The following MALT1 variants were observed in gnomAD, a reference collection of about 807,000 sequenced individuals.
The protein encoded by MALT1 is MALT1 paracaspase.
In MALT1, 36 loss-of-function variants were observed where a neutral mutation model predicts 85.5. That is an observed-to-expected ratio of 0.42 (90% CI 0.32 to 0.56). The LOEUF (loss-of-function observed/expected upper bound fraction) is 0.56. Ranked by LOEUF, MALT1 falls within the 20% of genes least tolerant of loss-of-function variation. The pLI is 0.10. For synonymous variants in MALT1, 359 were observed against 361.3 expected (o/e 0.99, Z 0.07); for missense variants, 716 against 981.6 (o/e 0.73, Z 3.62).
chr18:58,734,495 G>A (rs762975456), intron 12 of MALT1, 114 bp downstream of exon 12: 38 of 759,262 alleles, frequency 5.0e-5, no homozygotes, highest in Admixed American at 4.2e-4. Flanking sequence ...GTGCAGAGGC[G>A]CCATCATAGC....
At chr18:58,736,006 G>C (rs1232680571) in intron 13 of MALT1, among the ~76,000 whole-genome samples, 1 of 152,092 alleles carries the variant, frequency 6.6e-6, no homozygotes, top group Non-Finnish European at 1.5e-5. Flanking sequence ...AAGGTAACTT[G>C]GCCAGGTATG....
intron 9 of MALT1, among the ~76,000 whole-genome samples, chr18:58,717,305 G>T (rs994227028): frequency 1.3e-5 from 2 of 151,858 alleles, no homozygotes; most frequent in Admixed American, 1.3e-4. Context: ...GGAGGTTGTG[G>T]TGAGCTGAGA....
At chr18:58,725,219 G>C (rs944634161) in intron 10 of MALT1, among the ~76,000 whole-genome samples, 9 of 152,076 alleles carry the variant, frequency 5.9e-5, no homozygotes, top group African/African-American at 2.2e-4. Flanking sequence ...CTACTCAAGA[G>C]GCTGAGACAC....
chr18:58,672,099 C>T (rs1249770482), intron 1 of MALT1: 1 of 334,974 alleles, frequency 3.0e-6, no homozygotes, highest in African/African-American at 2.2e-5. Flanking sequence ...CTGCCTCGCT[C>T]CCTGTTCCCA....
At chr18:58,683,959 T>G (rs1200380117) in intron 2 of MALT1, among the ~76,000 whole-genome samples, 2 of 152,216 alleles carry the variant, frequency 1.3e-5, no homozygotes, top group Non-Finnish European at 2.9e-5. Context: ...TGATAAAGGG[T>G]CTTGCTCTGT....
At position 58,747,477 on chromosome 18, in the gene MALT1, G is replaced by C. The variant is rs374978445; in HGVS notation, c.2110G>C (p.Glu704Gln). 1.9e-6 allele frequency: 3 copies of C among 1,613,824 alleles called. No homozygotes were observed. In the African/African-American group the frequency reaches 4.0e-5, roughly 22 times the overall value. ...GGAAGATACTGTAGAGGACAAGCAG[G>C]AAGTGAATGTTGGGAAACCTCTCAT... is the stretch of plus-strand genomic sequence containing the variant. ...GLEDTVEDKQ[E>Q]VNVGKPLIAK... is the part of the protein sequence containing the mutation. The change falls in exon 17 of 17, where the codon GAA becomes CAA. Residue 704 changes from glutamate to glutamine, a missense_variant. Around this residue, in one of 4 missense-constraint regions of MALT1, gnomAD observed 260 missense variants for 323.7 expected, o/e 0.80. Transcript: ENST00000649217.
intron 15 of MALT1, among the ~76,000 whole-genome samples, chr18:58,745,162 G>A (rs899234575): frequency 3.3e-5 from 5 of 152,200 alleles, no homozygotes; most frequent in Non-Finnish European, 5.9e-5. Context: ...GCTTCCTGAG[G>A]TACTGAGCAA....
rs1462990106 is a variant in MALT1, at chr18:58,699,099, CAG to C, written c.499-1341_499-1340del. Among the ~76,000 whole-genome samples, 11 of 152,326 alleles carry C rather than the reference CAG, an allele frequency of 7.2e-5. No homozygotes were observed. The South Asian group carries it at 1.4e-3, about 20-fold the overall frequency. On this transcript the variant is annotated intron_variant, in intron 3 of 16. Transcript: ENST00000649217. ...GTTTAATATAATCTTCATACCAACTCAGGGGTTCTGAGTGGGTCTCCACAGAT... is the reference window on the plus strand; with the variant it reads ...GTTTAATATAATCTTCATACCAACTCGGGTTCTGAGTGGGTCTCCACAGAT...
Position 58,696,491 on chromosome 18 carries a change from AT to A in MALT1, c.498+10del. ...GTGGTTCAAAATGAATAAAGAGGTAATTTTTTAAATATATCTTTTAATTCTT... is the reference window on the plus strand; with the variant it reads ...GTGGTTCAAAATGAATAAAGAGGTAATTTTTAAATATATCTTTTAATTCTT... On this transcript the variant is annotated splice_donor_5th_base_variant and intron_variant, in intron 3 of 16. Coordinates refer to ENST00000649217, the MANE Select transcript of MALT1 (RefSeq NM_006785.4). 6.4e-7 allele frequency: 1 copy of A among 1,555,658 alleles called. No homozygotes were observed. The highest frequency in any genetic ancestry group is 8.7e-7 in the Non-Finnish European group (1 of 1,151,152).
At chr18:58,686,540 C>T (rs906109931) in intron 2 of MALT1, among the ~76,000 whole-genome samples, 7 of 152,312 alleles carry the variant, frequency 4.6e-5, no homozygotes, top group Admixed American at 3.9e-4. Flanking sequence ...TGCTTTTCAG[C>T]TCCAGTGCTG....
rs571704072 is a variant in MALT1 at position 58,721,189 on chromosome 18, G to C, written c.1019-1859G>C. Among the ~76,000 whole-genome samples, 599 of 152,282 alleles carry C rather than the reference G, an allele frequency of 3.9e-3. 2 individuals carry two copies. The highest frequency in any genetic ancestry group is 6.1e-3 in the Non-Finnish European group (413 of 68,014). ...GAGGTCAGGAGTTCGAGACCACCCC[G>C]ACCTAAGTGGAGAAACCCCATCTCT... On this transcript the variant is annotated intron_variant, in intron 9 of 16. Coordinates refer to ENST00000649217, the MANE Select transcript of MALT1 (RefSeq NM_006785.4).
In MALT1 at chr18:58,685,888, G is replaced by A. The variant is rs188945597; in HGVS notation, c.376+4552G>A. Among the ~76,000 whole-genome samples the A allele has an allele frequency of 6.6e-3, 998 of 151,980 alleles. 11 individuals are homozygous for A. Among genetic ancestry groups the A allele is most frequent in the Non-Finnish European group, 8.4e-3 (569 of 67,964 alleles). ...GGGGGTTAAATGGATGTGTTGAAAG[G>A]GTTTTGAACCAAAGGTCTGTAATGA... On this transcript the variant is annotated intron_variant, in intron 2 of 16. Transcript: ENST00000649217.
At chr18:58,698,303 G>A (rs1158212553) in intron 3 of MALT1, among the ~76,000 whole-genome samples, 1 of 152,092 alleles carries the variant, frequency 6.6e-6, no homozygotes, top group African/African-American at 2.4e-5. Context: ...CTGATCTCGT[G>A]ATCCGCCTGC....
In MALT1 at chr18:58,745,500, ATTG is replaced by A. The variant is rs1314839867; in HGVS notation, c.1912-160_1912-158del. Among the ~76,000 whole-genome samples the A allele has an allele frequency of 2.0e-5, 3 of 152,162 alleles. No homozygotes were observed. The East Asian group carries it at 5.8e-4, about 29-fold the overall frequency. ...TTGAGAATTCCTATTATAACCATAGATTGTTGTTTTCATTGTTTAGTCCTGGAT... is the reference window on the plus strand; with the variant it reads ...TTGAGAATTCCTATTATAACCATAGATTGTTTTCATTGTTTAGTCCTGGAT... On this transcript the variant is annotated intron_variant, in intron 15 of 16. Transcript: ENST00000649217.
chr18:58,672,912 T>C (rs1011223211), intron 1 of MALT1: 8 of 152,136 alleles, frequency 5.3e-5, no homozygotes, highest in Non-Finnish European at 1.2e-4. Flanking sequence ...TTATGAAAAA[T>C]CTTTATGACC....
chr18:58,727,616 G>GTTT lies in MALT1; in HGVS notation c.1222+4374_1222+4376dup, dbSNP rs751434443. Among the ~76,000 whole-genome samples the GTTT allele has an allele frequency of 6.1e-3, 742 of 120,912 alleles. 23 individuals carry two copies. Among genetic ancestry groups the GTTT allele is most frequent in the East Asian group, 0.054 (220 of 4,056 alleles). The allele number at this position is 120,912 out of a possible 152,430, so 79.3% of individuals were successfully genotyped here. On this transcript the variant is annotated intron_variant, in intron 10 of 16. Coordinates refer to ENST00000649217, the MANE Select transcript of MALT1 (RefSeq NM_006785.4). The stretch of plus-strand genomic sequence containing the variant: ...ACCCAGCCTGCCAAAGGTTTTTTGT[G>GTTT]TTTTTTTTTTTGTTTTTTTTTTTTT...
chr18:58,718,300 A>G (rs534226130), intron 9 of MALT1, among the ~76,000 whole-genome samples: 1 of 152,298 alleles, frequency 6.6e-6, no homozygotes, highest in Admixed American at 6.5e-5. Context: ...TCTATCATTG[A>G]AGTTCACTAA....
At chr18:58,715,207 C>T (rs1489719626) in intron 8 of MALT1, among the ~76,000 whole-genome samples, 2 of 152,128 alleles carry the variant, frequency 1.3e-5, no homozygotes, top group African/African-American at 4.8e-5. Flanking sequence ...TTAATTCTTG[C>T]TTTTCTTTAA....
At chr18:58,712,184 T>TA (rs1417492552) in intron 7 of MALT1, among the ~76,000 whole-genome samples, 2 of 152,170 alleles carry the variant, frequency 1.3e-5, no homozygotes, top group Non-Finnish European at 2.9e-5. Context: ...AAAATCCAGT[T>TA]ACGAAGTTTC....
Sources: allele counts gnomAD v4.1 joint callset (sites outside exome capture counted in the v4.1 genomes callset), GRCh38; gene constraint gnomAD v4.1.1; regional missense constraint gnomAD v4.1.1; transcripts MANE v1.5; gene names NCBI Gene and HGNC (gene_info 2026-07-23, HGNC 2026-07-21).